The following GPM6A variants were observed in gnomAD, a reference collection of about 807,000 sequenced individuals.
GPM6A encodes the protein glycoprotein M6A.
Under a neutral mutation model 32.1 loss-of-function variants are expected in GPM6A, and 7 were observed. That is an observed-to-expected ratio of 0.22 (90% CI 0.12 to 0.41). The LOEUF (loss-of-function observed/expected upper bound fraction) is 0.41, where lower values mean the gene tolerates loss of function less well. Among genes scored for constraint, GPM6A ranks in the 10% least tolerant of loss-of-function variants. GPM6A has a pLI of 1.00. For missense variants in GPM6A, 235 were observed against 347.2 expected (o/e 0.68, Z 2.57); for synonymous variants, 130 against 123.4 (o/e 1.05, Z -0.35).
At chr4:175,729,398 A>G (rs554234441) in intron 1 of GPM6A, among the ~76,000 whole-genome samples, 2 of 152,284 alleles carry the variant, frequency 1.3e-5, no homozygotes, top group South Asian at 4.1e-4. Context: ...ACCCATTCAG[A>G]GTCTCCTCTA....
intron 2 of GPM6A, among the ~76,000 whole-genome samples, chr4:175,681,475 TAA>T (rs960983980): frequency 3.9e-5 from 6 of 152,314 alleles, no homozygotes; most frequent in Non-Finnish European, 8.8e-5. Flanking sequence ...AAGATCTCTA[TAA>T]ATAAGGGATA....
chr4:175,656,356 C>G (rs528307343), intron 3 of GPM6A, among the ~76,000 whole-genome samples: 33 of 152,130 alleles, frequency 2.2e-4, no homozygotes, highest in Admixed American at 2.1e-3. Flanking sequence ...GCAAAACAAG[C>G]ATCCTCCTAC....
At chr4:175,926,157 T>G (rs1211794890) in intron 1 of GPM6A, among the ~76,000 whole-genome samples, 2 of 152,116 alleles carry the variant, frequency 1.3e-5, no homozygotes, top group Non-Finnish European at 2.9e-5. Flanking sequence ...TGGCCACAAA[T>G]TCTCTATATT....
At chr4:175,886,674 T>C (rs1369927809) in intron 1 of GPM6A, among the ~76,000 whole-genome samples, 1 of 143,124 alleles carries the variant, frequency 7.0e-6, no homozygotes, top group Non-Finnish European at 1.5e-5. Flanking sequence ...ATCAACGAAA[T>C]ACAACAGAGA....
intron 2 of GPM6A, among the ~76,000 whole-genome samples, chr4:175,675,681 C>T (rs1376140918): frequency 1.3e-5 from 2 of 151,912 alleles, no homozygotes; most frequent in African/African-American, 4.8e-5. Context: ...ACATGGTCTC[C>T]CTCTGTCACC....
upstream of GPM6A, among the ~76,000 whole-genome samples, chr4:175,813,403 A>C (rs1042532574): frequency 6.6e-6 from 1 of 152,224 alleles, no homozygotes; most frequent in African/African-American, 2.4e-5. Context: ...ACTTCACAAA[A>C]GGTATAGCAA....
rs945850468 is a variant in GPM6A, at chr4:175,633,008, A to T, written c.*1897T>A. 1 of 152,460 alleles carries T rather than the reference A, an allele frequency of 6.6e-6. No homozygotes were observed. The highest frequency in any genetic ancestry group is 1.5e-5 in the Non-Finnish European group (1 of 67,924). 9.4% of individuals were successfully genotyped at this position (152,460 alleles called of 1,614,324 possible). A position where few individuals can be genotyped will look rare whatever the true frequency, so the allele number is the denominator to read the frequency against. ...AAGCACTCTGTTCTACATTTCAAAA[A>T]CGCCACCATCAAGCTGTTGGCACAT... On this transcript the variant is annotated 3_prime_UTR_variant, in exon 7 of 7. Coordinates refer to ENST00000393658, the MANE Select transcript of GPM6A (RefSeq NM_201591.3).
At chr4:175,706,621 G>A (rs1432203700) in intron 1 of GPM6A, among the ~76,000 whole-genome samples, 1 of 152,168 alleles carries the variant, frequency 6.6e-6, no homozygotes, top group Non-Finnish European at 1.5e-5. Context: ...GAGAGGTATA[G>A]GTCTGTTTGA....
chr4:175,665,937 G>C (rs879740929), intron 3 of GPM6A, among the ~76,000 whole-genome samples: 1 of 111,356 alleles, frequency 9.0e-6, no homozygotes, highest in Non-Finnish European at 1.9e-5. Context: ...TTTTTTTTTT[G>C]AGACAGAGTC....
intron 2 of GPM6A, among the ~76,000 whole-genome samples, chr4:175,676,906 C>A (rs1256471042): frequency 6.6e-6 from 1 of 152,116 alleles, no homozygotes; most frequent in South Asian, 2.1e-4. Flanking sequence ...TGATTTGAAT[C>A]CTCCAGATCT....
At chr4:175,876,438 T>C (rs1737086660) in intron 1 of GPM6A, among the ~76,000 whole-genome samples, 1 of 152,220 alleles carries the variant, frequency 6.6e-6, no homozygotes. Context: ...ACATATACTG[T>C]ACTTTTTGTC....
upstream of GPM6A, among the ~76,000 whole-genome samples, chr4:175,816,376 T>C (rs139042451): frequency 1.9e-3 from 291 of 152,362 alleles, 2 homozygotes; most frequent in African/African-American, 6.3e-3. Context: ...TTAATCTTAA[T>C]TTGGAGCTTC....
At chr4:175,711,237 CA>C (rs1453546254) in intron 1 of GPM6A, among the ~76,000 whole-genome samples, 1 of 151,020 alleles carries the variant, frequency 6.6e-6, no homozygotes, top group African/African-American at 2.4e-5. Context: ...TTTAATCTAC[CA>C]TACTACTGGT....
chr4:175,819,739 G>T (rs1364441016), intron 1 of GPM6A, among the ~76,000 whole-genome samples: 1 of 152,202 alleles, frequency 6.6e-6, no homozygotes, highest in African/African-American at 2.4e-5. Flanking sequence ...ACTTATGTAA[G>T]TAGTAGACCC....
intron 2 of GPM6A, among the ~76,000 whole-genome samples, chr4:175,682,343 G>A (rs1743735067): frequency 6.6e-6 from 1 of 152,094 alleles, no homozygotes; most frequent in Admixed American, 6.5e-5. Context: ...AGGAAGCATA[G>A]CATAAAAGTT....
At chr4:175,867,276 T>C (rs1011017521) in intron 1 of GPM6A, among the ~76,000 whole-genome samples, 7 of 152,204 alleles carry the variant, frequency 4.6e-5, no homozygotes, top group African/African-American at 1.7e-4. Flanking sequence ...GTTTATCGTT[T>C]GTTTCTTTCA....
rs184917628 is a variant in GPM6A at position 175,645,478 on chromosome 4, C to T, written c.542-4649G>A. 1.7e-3 allele frequency among the ~76,000 whole-genome samples: 254 copies of T among 151,966 alleles called. 2 individuals carry two copies. In the Middle Eastern group the frequency reaches 0.024, roughly 14 times the overall value. ...GCTCACGCCTGTAATCCCAGCACTT[C>T]GGGAGGCCAAGGCAGGTGGATCATT... On this transcript the variant is annotated intron_variant, in intron 4 of 6. Coordinates refer to ENST00000393658, the MANE Select transcript of GPM6A (RefSeq NM_201591.3).
At chr4:175,733,562 A>T (rs1731525825) in intron 1 of GPM6A, among the ~76,000 whole-genome samples, 1 of 152,056 alleles carries the variant, frequency 6.6e-6, no homozygotes, top group South Asian at 2.1e-4. Context: ...TGTTGCTGTT[A>T]TTTTACCTAT....
Position 175,917,232 on chromosome 4 carries a change from C to T in GPM6A, c.-23+85077G>A, listed in dbSNP as rs557388642. 1.8e-4 allele frequency among the ~76,000 whole-genome samples: 28 copies of T among 152,116 alleles called. 1 individual carries two copies. The highest frequency in any genetic ancestry group is 7.9e-4 in the Admixed American group (12 of 15,282). On this transcript the variant is annotated intron_variant, in intron 1 of 7. Coordinates refer to the GPM6A transcript ENST00000280187. ...ATGGGTCCCAAGGCAGCTTCTTACC[C>T]TCCTCCCTCCACACAATCACAGTTT...
Sources: allele counts gnomAD v4.1 joint callset (sites outside exome capture counted in the v4.1 genomes callset), GRCh38; gene constraint gnomAD v4.1.1; transcripts MANE v1.5; gene names NCBI Gene and HGNC (gene_info 2026-07-23, HGNC 2026-07-21).